OPN5: variants seen among roughly 807,000 people sequenced by gnomAD.
OPN5 encodes the protein opsin-5.
A neutral mutation model predicts 41.7 loss-of-function variants in OPN5; 18 were observed. The ratio of observed to expected loss-of-function variants is 0.43; its 90% confidence interval spans 0.30 to 0.64. The LOEUF is 0.64. Among genes scored for constraint, OPN5 ranks in the 30% least tolerant of loss-of-function variants. The pLI is 0.13. For synonymous variants in OPN5, 178 were observed against 164.3 expected (o/e 1.08, Z -0.64); for missense variants, 318 against 434.5 (o/e 0.73, Z 2.38).
chr6:47,782,077 A>G, exon 1 of OPN5: 1 of 1,613,638 alleles, frequency 6.2e-7, no homozygotes, highest in East Asian at 2.2e-5. Context: ...ATGGCGTTAA[A>G]TCACACTGCC....
exon 6 of OPN5, chr6:47,811,723 C>T: frequency 6.2e-7 from 1 of 1,610,830 alleles, no homozygotes; most frequent in Non-Finnish European, 8.5e-7. Flanking sequence ...GCTGGAAATT[C>T]ATGAAGAGGT....
At chr6:47,803,546 C>T (rs2113977730) in intron 4 of OPN5, among the ~76,000 whole-genome samples, 1 of 152,320 alleles carries the variant, frequency 6.6e-6, no homozygotes, top group South Asian at 2.1e-4. Context: ...ACCCTAGCCA[C>T]TGAAATATCT....
chr6:47,818,612 A>G (rs1040653685), intron 6 of OPN5, among the ~76,000 whole-genome samples: 8 of 152,180 alleles, frequency 5.3e-5, no homozygotes, highest in African/African-American at 1.7e-4. Context: ...TTAGCTCAGG[A>G]TGGTGATGAA....
intron 5 of OPN5, 80 bp downstream of exon 5, chr6:47,808,475 GTCT>G (rs1774062923): frequency 6.7e-7 from 1 of 1,482,630 alleles, no homozygotes; most frequent in South Asian, 1.2e-5. Flanking sequence ...CAGATGTGCT[GTCT>G]TCTTAGGGTT....
chr6:47,809,192 AGAGGCACCT>A (rs1774093605), intron 5 of OPN5, among the ~76,000 whole-genome samples: 1 of 152,140 alleles, frequency 6.6e-6, no homozygotes, highest in African/African-American at 2.4e-5. Flanking sequence ...AAAAAGTGGA[AGAGGCACCT>A]GAATTCATGG....
chr6:47,818,522 G>A (rs1256684600), intron 6 of OPN5, among the ~76,000 whole-genome samples: 2 of 152,202 alleles, frequency 1.3e-5, no homozygotes, highest in Admixed American at 1.3e-4. Flanking sequence ...CTCACTGCCA[G>A]TGGGGATTTG....
intron 2 of OPN5, among the ~76,000 whole-genome samples, chr6:47,790,130 A>T (rs1422147488): frequency 6.6e-6 from 1 of 152,210 alleles, no homozygotes; most frequent in African/African-American, 2.4e-5. Flanking sequence ...TAACAGAAGA[A>T]GAAAAAAAGA....
intron 4 of OPN5, among the ~76,000 whole-genome samples, chr6:47,798,591 T>C (rs1314629166): frequency 6.6e-6 from 1 of 150,888 alleles, no homozygotes; most frequent in Non-Finnish European, 1.5e-5. Flanking sequence ...TGTAATATTA[T>C]ATTAATATGT....
At chr6:47,808,531 C>A in intron 5 of OPN5, 136 bp downstream of exon 5, 1 of 938,362 alleles carries the variant, frequency 1.1e-6, no homozygotes, top group South Asian at 1.7e-5. Flanking sequence ...ACTTTATTTT[C>A]TGTTTATCAA....
At chr6:47,791,344 C>T (rs1344995078) in intron 2 of OPN5, among the ~76,000 whole-genome samples, 3 of 151,602 alleles carry the variant, frequency 2.0e-5, no homozygotes, top group African/African-American at 7.3e-5. Context: ...AAGAACTTCT[C>T]TAGAATAGAA....
chr6:47,824,114 G>T, exon 7 of OPN5: 1 of 750,508 alleles, frequency 1.3e-6, no homozygotes, highest in South Asian at 1.6e-5. Flanking sequence ...ACCCTGTCAG[G>T]AAAAAATAAT....
chr6:47,802,085 G>A (rs922331976), intron 4 of OPN5, among the ~76,000 whole-genome samples: 1 of 152,154 alleles, frequency 6.6e-6, no homozygotes, highest in African/African-American at 2.4e-5. Flanking sequence ...TAGAGTGAGA[G>A]GAGAAGCACT....
rs557148175 is a variant in OPN5 at position 47,782,754 on chromosome 6, A to G, written c.130+558A>G. On this transcript the variant is annotated intron_variant, in intron 1 of 6. Transcript: ENST00000371211. ...GTGACAGTTGAAAAATGTGTTGGTG[A>G]TAAATGGAAGAAAGTCCGGGGTCAA... 2.6e-4 allele frequency among the ~76,000 whole-genome samples: 40 copies of G among 152,314 alleles called. No homozygotes were observed. The South Asian group carries it at 3.5e-3, about 13-fold the overall frequency.
chr6:47,782,124 G>C (rs775797817), exon 1 of OPN5: 18 of 1,612,508 alleles, frequency 1.1e-5, no homozygotes, highest in South Asian at 8.8e-5. Flanking sequence ...TTACCTTCGA[G>C]ATGGGGATCC....
At chr6:47,790,656 T>C (rs1773340926) in intron 2 of OPN5, among the ~76,000 whole-genome samples, 1 of 152,232 alleles carries the variant, frequency 6.6e-6, no homozygotes, top group Non-Finnish European at 1.5e-5. Flanking sequence ...AATTCACATT[T>C]CAGAGAAAGT....
chr6:47,787,497 T>C (rs963097320), intron 2 of OPN5, among the ~76,000 whole-genome samples: 31 of 152,236 alleles, frequency 2.0e-4, no homozygotes, highest in African/African-American at 7.2e-4. Flanking sequence ...ATCTGCTATT[T>C]AGCTTATGGT....
chr6:47,806,121 G>C (rs1374500776), intron 4 of OPN5, among the ~76,000 whole-genome samples: 1 of 151,810 alleles, frequency 6.6e-6, no homozygotes, highest in African/African-American at 2.4e-5. Flanking sequence ...GTGATGCTAA[G>C]GTAGAAGACA....
intron 5 of OPN5, among the ~76,000 whole-genome samples, chr6:47,810,435 C>G (rs1407895381): frequency 1.3e-5 from 2 of 151,648 alleles, no homozygotes; most frequent in East Asian, 3.9e-4. Context: ...AGAAGTTATG[C>G]AAGTGAGTAA....
chr6:47,819,402 A>AATATATT (rs1762536241), intron 6 of OPN5, among the ~76,000 whole-genome samples: 5 of 134,738 alleles, frequency 3.7e-5, no homozygotes, highest in Admixed American at 7.8e-5. Context: ...ATATATATAA[A>AATATATT]ACAGTATAAG....
Sources: gnomAD v4.1 joint callset for allele counts (sites outside exome capture counted in the v4.1 genomes callset) on GRCh38, gnomAD v4.1.1 for gene constraint, MANE v1.5 for transcripts, NCBI Gene and HGNC (gene_info 2026-07-23, HGNC 2026-07-21) for gene names.